MAPK4: variants seen among roughly 807,000 people sequenced by gnomAD.
MAPK4 encodes the protein Erk3-related.
A neutral mutation model predicts 47.7 loss-of-function variants in MAPK4; 22 were observed. That is an observed-to-expected ratio of 0.46 (90% CI 0.33 to 0.66). The LOEUF is 0.66. Ranked by LOEUF, MAPK4 falls within the 30% of genes least tolerant of loss-of-function variation. The probability of loss-of-function intolerance (pLI) is 0.02; values close to 1 mark genes in which losing one functional copy is unlikely to be tolerated. For synonymous variants in MAPK4, 390 were observed against 365.7 expected (o/e 1.07, Z -0.76); for missense variants, 736 against 831.7 (o/e 0.88, Z 1.42).
Position 50,722,117 on chromosome 18 carries a change from C to T in MAPK4, c.853+18C>T. 1 of 1,606,236 alleles carries T rather than the reference C, an allele frequency of 6.2e-7. No homozygotes were observed. Among genetic ancestry groups the T allele is most frequent in the Non-Finnish European group, 8.5e-7 (1 of 1,177,620 alleles). On this transcript the variant is annotated intron_variant, in intron 4 of 5. Coordinates refer to ENST00000400384, the MANE Select transcript of MAPK4 (RefSeq NM_002747.4). ...CAGTGAAGGTACCTGAGCCTGGCAG[C>T]CAGGCCAAGTGTCCTGGGAGGATGA... is the stretch of plus-strand genomic sequence containing the variant.
intron 2 of MAPK4, among the ~76,000 whole-genome samples, chr18:50,674,622 G>A (rs1388909131): frequency 1.3e-5 from 2 of 152,026 alleles, no homozygotes; most frequent in Non-Finnish European, 2.9e-5. Flanking sequence ...ATAAACTCCT[G>A]CGGACCCTGC....
intron 2 of MAPK4, among the ~76,000 whole-genome samples, chr18:50,687,188 AT>A (rs1032470598): frequency 5.9e-5 from 9 of 151,882 alleles, no homozygotes; most frequent in African/African-American, 1.2e-4. Context: ...TGCCTGGCTA[AT>A]TTTTTTTCTA....
intron 1 of MAPK4, among the ~76,000 whole-genome samples, chr18:50,599,574 C>T (rs1330025060): frequency 2.6e-5 from 4 of 152,108 alleles, no homozygotes; most frequent in Admixed American, 1.3e-4. Context: ...TGTGCCACCA[C>T]ACCCGGCTAA....
At chr18:50,696,769 A>G (rs1426474735) in intron 2 of MAPK4, among the ~76,000 whole-genome samples, 1 of 152,226 alleles carries the variant, frequency 6.6e-6, no homozygotes, top group Non-Finnish European at 1.5e-5. Context: ...AATTATGCAC[A>G]CAGACAGATG....
At chr18:50,666,904 C>T (rs890403163) in intron 2 of MAPK4, among the ~76,000 whole-genome samples, 16 of 152,108 alleles carry the variant, frequency 1.1e-4, no homozygotes, top group Admixed American at 8.5e-4. Context: ...AATCAGTTCT[C>T]GTTTAATCCC....
intron 3 of MAPK4, 23 bp from the exon 4 acceptor site, chr18:50,721,915 A>C: frequency 6.2e-7 from 1 of 1,613,360 alleles, no homozygotes. Context: ...AGCACACTTA[A>C]CCATCTGGCA....
chr18:50,604,761 T>C (rs559865565), intron 1 of MAPK4, among the ~76,000 whole-genome samples: 1 of 152,378 alleles, frequency 6.6e-6, no homozygotes, highest in African/African-American at 2.4e-5. Flanking sequence ...GTTGCTGTGC[T>C]CAAGTTTCCC....
chr18:50,581,529 C>T (rs1181229417), intron 1 of MAPK4, among the ~76,000 whole-genome samples: 1 of 152,204 alleles, frequency 6.6e-6, no homozygotes, highest in East Asian at 1.9e-4. Flanking sequence ...TCTTTCTCTT[C>T]ATTAGAAGTG....
chr18:50,623,314 G>C (rs1211131782), intron 1 of MAPK4, among the ~76,000 whole-genome samples: 1 of 152,178 alleles, frequency 6.6e-6, no homozygotes, highest in African/African-American at 2.4e-5. Context: ...AGCGGGGCTG[G>C]TTTCAAAAGA....
intron 1 of MAPK4, among the ~76,000 whole-genome samples, chr18:50,562,836 A>G (rs1452969984): frequency 6.6e-6 from 1 of 152,254 alleles, no homozygotes; most frequent in Non-Finnish European, 1.5e-5. Flanking sequence ...TGGGCAGCAT[A>G]TATGAAAAGC....
chr18:50,641,911 T>C (rs2042944464), intron 1 of MAPK4, among the ~76,000 whole-genome samples: 1 of 152,224 alleles, frequency 6.6e-6, no homozygotes, highest in South Asian at 2.1e-4. Flanking sequence ...TCCTCATATG[T>C]ACTTGGTTTC....
At chr18:50,575,792 C>CAAAA (rs540138636) in intron 1 of MAPK4, among the ~76,000 whole-genome samples, 31 of 70,016 alleles carry the variant, frequency 4.4e-4, no homozygotes, top group East Asian at 9.9e-4. Context: ...AATCAACAAG[C>CAAAA]AAAAAAAAAA....
At chr18:50,707,939 A>C (rs1271990340) in intron 2 of MAPK4, among the ~76,000 whole-genome samples, 1 of 152,218 alleles carries the variant, frequency 6.6e-6, no homozygotes, top group East Asian at 1.9e-4. Context: ...GCAGATCAGC[A>C]TTTAGGGCAT....
At chr18:50,717,597 G>A (rs1910709981) in intron 3 of MAPK4, among the ~76,000 whole-genome samples, 1 of 151,646 alleles carries the variant, frequency 6.6e-6, no homozygotes, top group African/African-American at 2.4e-5. Flanking sequence ...ATATAAGACA[G>A]CAGTGGCCCT....
chr18:50,719,368 T>A (rs544655596), intron 3 of MAPK4, among the ~76,000 whole-genome samples: 2 of 152,010 alleles, frequency 1.3e-5, no homozygotes, highest in African/African-American at 4.8e-5. Context: ...CAAAAAAAAA[T>A]ACACAGTGAA....
intron 1 of MAPK4, among the ~76,000 whole-genome samples, chr18:50,648,420 C>G (rs550478861): frequency 4.6e-5 from 7 of 152,000 alleles, no homozygotes; most frequent in Admixed American, 3.3e-4. Flanking sequence ...GTGTGAGGAA[C>G]CTGTGGGGCA....
chr18:50,618,523 G>A (rs2042704333), intron 1 of MAPK4, among the ~76,000 whole-genome samples: 1 of 152,046 alleles, frequency 6.6e-6, no homozygotes, highest in Non-Finnish European at 1.5e-5. Flanking sequence ...AAAATCTGGG[G>A]TTCACCAAGA....
intron 2 of MAPK4, among the ~76,000 whole-genome samples, chr18:50,672,508 C>T (rs1908013061): frequency 6.6e-6 from 1 of 152,106 alleles, no homozygotes; most frequent in Admixed American, 6.5e-5. Flanking sequence ...GCGTTCAGTG[C>T]CTCCCTGTCC....
intron 2 of MAPK4, among the ~76,000 whole-genome samples, chr18:50,672,238 C>T (rs772088204): frequency 6.6e-6 from 1 of 152,090 alleles, no homozygotes; most frequent in South Asian, 2.1e-4. Context: ...CCCAGCCATC[C>T]GCGGAGGCTG....
Sources: gnomAD v4.1 joint callset for allele counts (sites outside exome capture counted in the v4.1 genomes callset) on GRCh38, gnomAD v4.1.1 for gene constraint, MANE v1.5 for transcripts, NCBI Gene and HGNC (gene_info 2026-07-23, HGNC 2026-07-21) for gene names.